The following ZNF438 variants were observed in gnomAD, a reference collection of about 807,000 sequenced individuals.
ZNF438 encodes zinc finger protein 438.
A neutral mutation model predicts 38.0 loss-of-function variants in ZNF438; 25 were observed. That is an observed-to-expected ratio of 0.66 (90% confidence interval 0.48 to 0.92). The LOEUF (loss-of-function observed/expected upper bound fraction) is 0.92. Ranked by LOEUF, ZNF438 falls within the 40% of genes least tolerant of loss-of-function variation. The pLI is 0.00. For synonymous variants in ZNF438, 372 were observed against 364.1 expected (o/e 1.02, Z -0.25); for missense variants, 1,007 against 999.6 (o/e 1.01, Z -0.10).
At chr10:30,862,417 C>T (rs757602694) in intron 4 of ZNF438, among the ~76,000 whole-genome samples, 36 of 152,186 alleles carry the variant, frequency 2.4e-4, no homozygotes, top group Non-Finnish European at 4.7e-4. Flanking sequence ...ATCCTCCTGC[C>T]TCAGCCTCCC....
At position 31,017,184 on chromosome 10, in the gene ZNF438, G is replaced by C. The variant is rs192997921; in HGVS notation, c.-192+14649C>G. Among the ~76,000 whole-genome samples, 6 of 152,296 alleles carry C rather than the reference G, an allele frequency of 3.9e-5. No individual in the cohort carries two copies. The East Asian group carries it at 5.8e-4, about 15-fold the overall frequency. ...TCAATGATGAAACACTTCTAGAAAG[G>C]AATTGCAAAGTATCTCTGCTCTAGC... On this transcript the variant is annotated intron_variant, in intron 1 of 5. Coordinates refer to ENST00000413025, the Ensembl canonical transcript of ZNF438.
intron 4 of ZNF438, among the ~76,000 whole-genome samples, chr10:30,852,137 T>C (rs2033761181): frequency 6.6e-6 from 1 of 150,668 alleles, no homozygotes; most frequent in Non-Finnish European, 1.5e-5. Flanking sequence ...TACTCCAGCC[T>C]GGGCAACAGT....
intron 3 of ZNF438, among the ~76,000 whole-genome samples, chr10:30,881,979 G>GA: frequency 6.6e-6 from 1 of 152,206 alleles, no homozygotes; most frequent in East Asian, 1.9e-4. Flanking sequence ...ACTTCTAAAA[G>GA]AAAATACTGT....
exon 5 of ZNF438, chr10:30,848,594 T>C: frequency 6.2e-7 from 1 of 1,613,932 alleles, no homozygotes; most frequent in East Asian, 2.2e-5. Context: ...GTCTCCTGGC[T>C]GCAGTTCACT....
At chr10:30,949,317 C>A (rs1258232158) in intron 1 of ZNF438, among the ~76,000 whole-genome samples, 2 of 151,880 alleles carry the variant, frequency 1.3e-5, no homozygotes, top group Non-Finnish European at 2.9e-5. Context: ...TAAAGACCAT[C>A]AAGACTACGA....
At chr10:30,953,655 C>G in intron 1 of ZNF438, among the ~76,000 whole-genome samples, 1 of 55,624 alleles carries the variant, frequency 1.8e-5, no homozygotes, top group East Asian at 2.4e-4. Flanking sequence ...AAAAAACATA[C>G]ACACACACAC....
chr10:30,876,111 A>G (rs2038379880), intron 4 of ZNF438, among the ~76,000 whole-genome samples: 1 of 152,190 alleles, frequency 6.6e-6, no homozygotes, highest in Admixed American at 6.5e-5. Flanking sequence ...CTGAGTTTCA[A>G]ATCCAGATTC....
exon 5 of ZNF438, chr10:30,848,755 C>T: frequency 6.2e-7 from 1 of 1,614,008 alleles, no homozygotes; most frequent in Non-Finnish European, 8.5e-7. Context: ...TGTGTGTGCT[C>T]AGGCTGCCAG....
chr10:30,906,043 T>C (rs1774311007), intron 3 of ZNF438, among the ~76,000 whole-genome samples: 1 of 152,222 alleles, frequency 6.6e-6, no homozygotes, highest in Non-Finnish European at 1.5e-5. Flanking sequence ...TTGGCTATTA[T>C]GGATTCCTTG....
intron 1 of ZNF438, among the ~76,000 whole-genome samples, chr10:31,003,027 A>G (rs1268543808): frequency 6.6e-6 from 1 of 152,172 alleles, no homozygotes. Context: ...TCAAATTAGC[A>G]AAGGGGGCTC....
At chr10:30,852,232 C>T (rs576279128) in intron 4 of ZNF438, among the ~76,000 whole-genome samples, 72 of 147,324 alleles carry the variant, frequency 4.9e-4, no homozygotes, top group African/African-American at 1.6e-3. Context: ...TTTTTTGAGA[C>T]GGAGTTTTGC....
At chr10:31,018,677 T>C (rs1205276098) in intron 1 of ZNF438, among the ~76,000 whole-genome samples, 1 of 152,168 alleles carries the variant, frequency 6.6e-6, no homozygotes, top group Non-Finnish European at 1.5e-5. Context: ...CAAAAACCAG[T>C]GGCTAAAACA....
At chr10:31,022,502 C>T (rs1797066320) in intron 1 of ZNF438, among the ~76,000 whole-genome samples, 1 of 152,142 alleles carries the variant, frequency 6.6e-6, no homozygotes, top group Non-Finnish European at 1.5e-5. Context: ...CTCAGGTGAT[C>T]CACCCACCTC....
chr10:31,001,215 A>G (rs993187865), intron 1 of ZNF438, among the ~76,000 whole-genome samples: 2 of 152,246 alleles, frequency 1.3e-5, no homozygotes, highest in African/African-American at 4.8e-5. Flanking sequence ...TACTCAAAAA[A>G]TGTTTTAAAA....
At chr10:31,031,965 A>ACACGCCCCCGAGCTC (rs2057326253), upstream of ZNF438, 2 of 151,446 alleles carry the variant, frequency 1.3e-5, no homozygotes, top group Non-Finnish European at 2.9e-5. Context: ...GCGGCGGGAG[A>ACACGCCCCCGAGCTC]CACGCCCCCG....
Position 30,964,025 on chromosome 10 carries a change from G to T in ZNF438, c.-191-22374C>A, listed in dbSNP as rs375443073. Among the ~76,000 whole-genome samples the T allele has an allele frequency of 8.5e-5, 13 of 152,266 alleles. No homozygotes were observed. The East Asian group carries it at 2.3e-3, about 27-fold the overall frequency. On this transcript the variant is annotated intron_variant, in intron 1 of 5. Transcript: ENST00000413025. ...GTCTGGGAGGATTTCCTACTAAAGT[G>T]ATCCTTATAGTAGCTGAAATAGCTG...
chr10:31,023,267 A>G (rs903966335), intron 1 of ZNF438, among the ~76,000 whole-genome samples: 1 of 152,242 alleles, frequency 6.6e-6, no homozygotes, highest in Non-Finnish European at 1.5e-5. Flanking sequence ...TTCTAGATCT[A>G]TAATTCGGCA....
chr10:30,872,875 A>G lies in ZNF438; in HGVS notation c.37+4123T>C, dbSNP rs113277785. ...CCAACTGTGTAGGAACTTAAAATTCATTCTGACTACCCAAGATACAAACTT... is the reference window on the plus strand; with the variant it reads ...CCAACTGTGTAGGAACTTAAAATTCGTTCTGACTACCCAAGATACAAACTT... On this transcript the variant is annotated intron_variant, in intron 4 of 5. Transcript: ENST00000413025. Among the ~76,000 whole-genome samples the G allele has an allele frequency of 4.2e-3, 636 of 152,346 alleles. 5 individuals are homozygous for G. The highest frequency in any genetic ancestry group is 0.015 in the African/African-American group (612 of 41,580).
chr10:30,946,897 G>A (rs1042928995), intron 1 of ZNF438, among the ~76,000 whole-genome samples: 2 of 151,890 alleles, frequency 1.3e-5, no homozygotes, highest in South Asian at 2.1e-4. Flanking sequence ...TGTAGCTTTA[G>A]TGATTGTGCT....
Sources: gnomAD v4.1 joint callset for allele counts (sites outside exome capture counted in the v4.1 genomes callset) on GRCh38, gnomAD v4.1.1 for gene constraint, MANE v1.5 for transcripts, NCBI Gene and HGNC (gene_info 2026-07-23, HGNC 2026-07-21) for gene names.